Variants in COL4A1 observed in about 807,000 individuals in gnomAD.
The protein encoded by COL4A1 is collagen type IV alpha 1 chain.
In COL4A1, 40 loss-of-function variants were observed where a neutral mutation model predicts 216.6. That is an observed-to-expected ratio of 0.18 (90% CI 0.14 to 0.24). The LOEUF is 0.24. Among genes scored for constraint, COL4A1 ranks in the 10% least tolerant of loss-of-function variants. The pLI is 1.00. For missense variants in COL4A1, 1,628 were observed against 2,196.8 expected (o/e 0.74, Z 5.18); for synonymous variants, 839 against 810.7 (o/e 1.03, Z -0.59).
At chr13:110,178,791 G>T in intron 31 of COL4A1, 132 bp downstream of exon 31, 1 of 717,190 alleles carries the variant, frequency 1.4e-6, no homozygotes, top group Non-Finnish European at 2.4e-6. Context: ...TCACAAACTC[G>T]AGTTTTATTT....
rs1385072596 is a variant in COL4A1 at position 110,174,735 on chromosome 13, T to G, written c.3213A>C (p.Ile1071=). The G allele has an allele frequency of 6.2e-7, 1 of 1,613,604 alleles. No homozygotes were observed. Among genetic ancestry groups the G allele is most frequent in the East Asian group, 2.2e-5 (1 of 44,872 alleles). ...CTCCAGGGCTTCCTGGGAAACCCGC[T>G]ATCCCTTGATCTCCCTGCAAGTAAA... is the stretch of plus-strand genomic sequence containing the variant. The part of the protein sequence containing the change: ...GLRGEKGDQG[I]AGFPGSPGEK... Residue 1071 remains isoleucine (I), a synonymous_variant, in exon 38 of 52, where the codon ATA becomes ATC. Coordinates refer to ENST00000375820, the MANE Select transcript of COL4A1 (RefSeq NM_001845.6).
chr13:110,163,785 T>C (rs1359464680), intron 46 of COL4A1, among the ~76,000 whole-genome samples: 1 of 152,060 alleles, frequency 6.6e-6, no homozygotes. Context: ...GGGCACCTCG[T>C]TCTGAGTTCT....
intron 1 of COL4A1, among the ~76,000 whole-genome samples, chr13:110,291,323 T>C (rs1420665872): frequency 3.9e-5 from 6 of 152,208 alleles, no homozygotes; most frequent in Admixed American, 3.9e-4. Context: ...ATCTGCCATA[T>C]TTTTCTGCAA....
At chr13:110,204,231 G>C (rs945330557) in intron 17 of COL4A1, among the ~76,000 whole-genome samples, 9 of 152,032 alleles carry the variant, frequency 5.9e-5, no homozygotes, top group African/African-American at 1.9e-4. Context: ...ACAGTCCAAA[G>C]ATATGTACAT....
At chr13:110,280,269 G>A (rs971705840) in intron 1 of COL4A1, among the ~76,000 whole-genome samples, 4 of 152,134 alleles carry the variant, frequency 2.6e-5, no homozygotes, top group Admixed American at 1.3e-4. Context: ...CATCTGTGCC[G>A]AACAGCACAT....
chr13:110,234,067 C>T (rs1254708752), intron 2 of COL4A1, among the ~76,000 whole-genome samples: 1 of 152,222 alleles, frequency 6.6e-6, no homozygotes, highest in Non-Finnish European at 1.5e-5. Context: ...ACATGACACG[C>T]ATATGTCCCT....
intron 1 of COL4A1, among the ~76,000 whole-genome samples, chr13:110,270,409 T>C (rs1883203169): frequency 6.6e-6 from 1 of 152,208 alleles, no homozygotes; most frequent in African/African-American, 2.4e-5. Context: ...TAATTTGCCA[T>C]AAAGGACCCA....
At chr13:110,297,058 T>C (rs528782806) in intron 1 of COL4A1, among the ~76,000 whole-genome samples, 2 of 152,324 alleles carry the variant, frequency 1.3e-5, no homozygotes, top group East Asian at 3.9e-4. Flanking sequence ...TGGGATTTCA[T>C]GGAAGCCTCC....
chr13:110,153,038 T>C (rs1459817513), intron 50 of COL4A1, among the ~76,000 whole-genome samples: 1 of 152,226 alleles, frequency 6.6e-6, no homozygotes, highest in African/African-American at 2.4e-5. Context: ...CTATATCAAA[T>C]TGCATTTTGG....
chr13:110,199,261 C>A lies in COL4A1; in HGVS notation c.1121-630G>T, dbSNP rs79907755. Among the ~76,000 whole-genome samples, 1,462 of 152,294 alleles carry A rather than the reference C, an allele frequency of 9.6e-3. 21 individuals are homozygous for A. The highest frequency in any genetic ancestry group is 0.055 in the East Asian group (282 of 5,174). ...AGCTCTGCTGCTTCTGTGAGGGACG[C>A]ACCAGCTTCTGCTCCCAGCATCAGG... is the stretch of plus-strand genomic sequence containing the variant. On this transcript the variant is annotated intron_variant, in intron 20 of 51. Transcript: ENST00000375820.
intron 1 of COL4A1, 140 bp downstream of exon 1, chr13:110,306,804 C>T: frequency 1.4e-6 from 1 of 721,308 alleles, no homozygotes; most frequent in South Asian, 2.9e-5. Flanking sequence ...CCAACGAACC[C>T]CGGCCCAGAG....
chr13:110,234,984 CT>C (rs1881240212), intron 2 of COL4A1, among the ~76,000 whole-genome samples: 2 of 152,160 alleles, frequency 1.3e-5, no homozygotes, highest in South Asian at 4.1e-4. Flanking sequence ...TTAAATCCCC[CT>C]AGTATTGTAC....
chr13:110,254,295 AG>A (rs1882416341), intron 1 of COL4A1, among the ~76,000 whole-genome samples: 1 of 152,206 alleles, frequency 6.6e-6, no homozygotes, highest in Non-Finnish European at 1.5e-5. Context: ...CATGATCCAT[AG>A]GTTTACTGGA....
At chr13:110,215,153 T>C (rs898525675) in intron 2 of COL4A1, among the ~76,000 whole-genome samples, 18 of 152,114 alleles carry the variant, frequency 1.2e-4, no homozygotes, top group African/African-American at 3.9e-4. Flanking sequence ...TAGAGACCAT[T>C]AGGAGATGTG....
chr13:110,286,581 C>T (rs1883853115), intron 1 of COL4A1, among the ~76,000 whole-genome samples: 1 of 152,178 alleles, frequency 6.6e-6, no homozygotes, highest in Non-Finnish European at 1.5e-5. Flanking sequence ...TACAGAGGAG[C>T]CGCCTATAGG....
chr13:110,225,643 C>G (rs2139224241), intron 2 of COL4A1, among the ~76,000 whole-genome samples: 1 of 152,040 alleles, frequency 6.6e-6, no homozygotes, highest in East Asian at 1.9e-4. Flanking sequence ...AGGAAAGATC[C>G]CAAGAAAATG....
intron 1 of COL4A1, among the ~76,000 whole-genome samples, chr13:110,270,277 G>A (rs1883198495): frequency 6.6e-6 from 1 of 152,188 alleles, no homozygotes. Flanking sequence ...ATTGTTTTTA[G>A]TGCATAACAG....
At position 110,268,066 on chromosome 13, in the gene COL4A1, C is replaced by A. The variant is rs1883108903; in HGVS notation, c.85-25332G>T. 6.6e-6 allele frequency among the ~76,000 whole-genome samples: 1 copy of A among 152,156 alleles called. No individual in the cohort carries two copies. Among genetic ancestry groups the A allele is most frequent in the Non-Finnish European group, 1.5e-5 (1 of 68,028 alleles). On this transcript the variant is annotated intron_variant, in intron 1 of 51. Transcript: ENST00000375820. The surrounding 1 kb of genome is among the most constrained non-coding windows in gnomAD (Gnocchi z 4.1). ...TCTCTGGAAAGCAGTGGTCACAAAGCTCATGACATTTGACTCCAGGAGGAA... is the reference window on the plus strand; with the variant it reads ...TCTCTGGAAAGCAGTGGTCACAAAGATCATGACATTTGACTCCAGGAGGAA...
At chr13:110,159,124 A>AT (rs2138425078) in intron 49 of COL4A1, among the ~76,000 whole-genome samples, 1 of 152,324 alleles carries the variant, frequency 6.6e-6, no homozygotes, top group South Asian at 2.1e-4. Flanking sequence ...TCAGTTTTCC[A>AT]TCTTACTTCC....
Sources: gnomAD v4.1 joint callset for allele counts (sites outside exome capture counted in the v4.1 genomes callset) on GRCh38, gnomAD v4.1.1 for gene constraint, Gnocchi (gnomAD v3.1) non-coding constraint, MANE v1.5 for transcripts, NCBI Gene and HGNC (gene_info 2026-07-23, HGNC 2026-07-21) for gene names.